CDC42EP3: variants seen among roughly 807,000 people sequenced by gnomAD.
CDC42EP3 encodes CDC42 effector protein 3.
CDC42EP3 carries 4 observed loss-of-function variants against 15.5 expected under a neutral mutation model. That is an observed-to-expected ratio of 0.26 (90% CI 0.13 to 0.59). CDC42EP3 has a LOEUF of 0.59. CDC42EP3 is among the 20% of genes least tolerant of loss of function. CDC42EP3 has a pLI of 0.89. For missense variants in CDC42EP3, 309 were observed against 311.2 expected (o/e 0.99, Z 0.05); for synonymous variants, 145 against 130.3 (o/e 1.11, Z -0.77).
intron 1 of CDC42EP3, among the ~76,000 whole-genome samples, chr2:37,659,823 C>G (rs1267727971): frequency 6.6e-6 from 1 of 152,184 alleles, no homozygotes; most frequent in Non-Finnish European, 1.5e-5. Context: ...GTGTGACTGG[C>G]ACAGATCAGA....
At chr2:37,664,823 A>T (rs1028048073) in intron 1 of CDC42EP3, among the ~76,000 whole-genome samples, 10 of 152,180 alleles carry the variant, frequency 6.6e-5, no homozygotes, top group African/African-American at 2.4e-4. Flanking sequence ...CAGAAAACCA[A>T]ATACCGCATG....
chr2:37,657,611 A>T (rs930643745), intron 1 of CDC42EP3, among the ~76,000 whole-genome samples: 4 of 152,180 alleles, frequency 2.6e-5, no homozygotes, highest in Non-Finnish European at 5.9e-5. Flanking sequence ...CCCTTAAGTC[A>T]AGGGTCTACA....
chr2:37,663,171 A>C (rs1666131169), intron 1 of CDC42EP3, among the ~76,000 whole-genome samples: 1 of 122,310 alleles, frequency 8.2e-6, no homozygotes, highest in Non-Finnish European at 1.7e-5. Context: ...TCGGTCTCAA[A>C]AACAAAACAA....
intron 1 of CDC42EP3, among the ~76,000 whole-genome samples, chr2:37,648,604 G>C (rs1665559389): frequency 2.0e-5 from 3 of 152,218 alleles, no homozygotes; most frequent in Admixed American, 6.5e-5. Context: ...ATGGGGAGGA[G>C]GCAGAGAAAG....
Position 37,645,090 on chromosome 2 carries a change from T to C in CDC42EP3, c.*733A>G, listed in dbSNP as rs1051409214. 5 of 152,418 alleles carry C rather than the reference T, an allele frequency of 3.3e-5. No homozygotes were observed. The East Asian group carries it at 9.6e-4, about 29-fold the overall frequency. The allele number at this position is 152,418 out of a possible 1,614,324, so 9.4% of individuals were successfully genotyped here. On this transcript the variant is annotated 3_prime_UTR_variant, in exon 2 of 2. Transcript: ENST00000295324. ...AAACACGCACATACACAGCTTACAA[T>C]GGAATCCCAATGGAAATAAGTGACA...
At chr2:37,650,727 A>G (rs953172169) in intron 1 of CDC42EP3, among the ~76,000 whole-genome samples, 2 of 152,210 alleles carry the variant, frequency 1.3e-5, no homozygotes, top group African/African-American at 4.8e-5. Flanking sequence ...CTCCCTAATT[A>G]TGAAAGGGGT....
At chr2:37,660,220 C>T (rs1284025828) in intron 1 of CDC42EP3, among the ~76,000 whole-genome samples, 5 of 152,162 alleles carry the variant, frequency 3.3e-5, no homozygotes, top group Non-Finnish European at 7.4e-5. Flanking sequence ...TTAAATTTCG[C>T]CTGTACCACT....
intron 1 of CDC42EP3, among the ~76,000 whole-genome samples, chr2:37,667,560 G>A (rs945007274): frequency 2.0e-5 from 3 of 152,072 alleles, no homozygotes; most frequent in South Asian, 2.1e-4. Context: ...AAATCTCTTC[G>A]TTTATGGCAT....
intron 1 of CDC42EP3, among the ~76,000 whole-genome samples, chr2:37,662,635 G>A (rs536233637): frequency 2.0e-5 from 3 of 152,182 alleles, no homozygotes; most frequent in Non-Finnish European, 4.4e-5. Context: ...CCCCCAGGCT[G>A]GCAAGTAAAG....
chr2:37,667,603 T>C (rs1221623188), intron 1 of CDC42EP3, among the ~76,000 whole-genome samples: 1 of 152,244 alleles, frequency 6.6e-6, no homozygotes, highest in Non-Finnish European at 1.5e-5. Context: ...CCTAGCAGTG[T>C]TCATGCTAGA....
upstream of CDC42EP3, chr2:37,672,151 C>G (rs532874607): frequency 7.3e-5 from 11 of 150,234 alleles, no homozygotes; most frequent in African/African-American, 2.3e-4. Context: ...CCGCCCCGGC[C>G]AGGCCGCAGC....
chr2:37,656,606 G>A (rs1444802186), intron 1 of CDC42EP3, among the ~76,000 whole-genome samples: 2 of 152,186 alleles, frequency 1.3e-5, no homozygotes, highest in Admixed American at 6.5e-5. Context: ...TACCTCTTAG[G>A]AAGCAGTCTT....
chr2:37,647,971 G>A (rs1665529792), intron 1 of CDC42EP3, among the ~76,000 whole-genome samples: 1 of 152,196 alleles, frequency 6.6e-6, no homozygotes, highest in Non-Finnish European at 1.5e-5. Flanking sequence ...CTGGAACTCA[G>A]CCCTGCCCAG....
chr2:37,648,710 C>T (rs1213115207), intron 1 of CDC42EP3, among the ~76,000 whole-genome samples: 1 of 152,214 alleles, frequency 6.6e-6, no homozygotes, highest in Non-Finnish European at 1.5e-5. Context: ...ATAGTTTTAG[C>T]TCTAATTTGG....
rs1458690308 is a variant in CDC42EP3 at position 37,642,153 on chromosome 2, AC to A, written c.*3669del. On this transcript the variant is annotated 3_prime_UTR_variant, in exon 2 of 2. Coordinates refer to ENST00000295324, the MANE Select transcript of CDC42EP3 (RefSeq NM_006449.5). The stretch of plus-strand genomic sequence containing the variant: ...AAAAGCTTGCTGGATGAAATAGTGC[AC>A]CATCAGAATAAAGCATGCAATATAT... The A allele has an allele frequency of 3.3e-5, 5 of 152,252 alleles. No individual in the cohort carries two copies. The East Asian group carries it at 9.6e-4, about 29-fold the overall frequency. 9.4% of individuals were successfully genotyped at this position (152,252 alleles called of 1,614,324 possible). A position where few individuals can be genotyped will look rare whatever the true frequency, so the allele number is the denominator to read the frequency against.
At chr2:37,665,143 ATAACT>A (rs1296478582) in intron 1 of CDC42EP3, among the ~76,000 whole-genome samples, 1 of 152,162 alleles carries the variant, frequency 6.6e-6, no homozygotes, top group Non-Finnish European at 1.5e-5. Context: ...ATATATAAAG[ATAACT>A]TAAATGTAGT....
intron 1 of CDC42EP3, among the ~76,000 whole-genome samples, chr2:37,664,200 G>A (rs780761140): frequency 6.6e-6 from 1 of 152,082 alleles, no homozygotes; most frequent in Non-Finnish European, 1.5e-5. Flanking sequence ...AAACAAGCAG[G>A]CAGAGGAACG....
At chr2:37,653,818 A>C (rs1394290683) in intron 1 of CDC42EP3, among the ~76,000 whole-genome samples, 4 of 151,974 alleles carry the variant, frequency 2.6e-5, no homozygotes, top group Non-Finnish European at 5.9e-5. Flanking sequence ...TTTAAAACAC[A>C]CATGTATAAA....
intron 1 of CDC42EP3, among the ~76,000 whole-genome samples, chr2:37,650,592 G>A (rs915990256): frequency 6.6e-6 from 1 of 152,158 alleles, no homozygotes; most frequent in African/African-American, 2.4e-5. Context: ...CACTACTGAC[G>A]AACTGATATC....
Sources: allele counts gnomAD v4.1 joint callset (sites outside exome capture counted in the v4.1 genomes callset), GRCh38; gene constraint gnomAD v4.1.1; transcripts MANE v1.5; gene names NCBI Gene and HGNC (gene_info 2026-07-23, HGNC 2026-07-21).